Variants in HERC3 observed in about 807,000 individuals in gnomAD.
The protein encoded by HERC3 is HECT and RLD domain containing E3 ubiquitin protein ligase 3.
In HERC3, 58 loss-of-function variants were observed where a neutral mutation model predicts 129.9. The ratio of observed to expected loss-of-function variants is 0.45; its 90% CI spans 0.36 to 0.56. The LOEUF (loss-of-function observed/expected upper bound fraction) is 0.56, where lower values mean the gene tolerates loss of function less well. HERC3 is among the 20% of genes least tolerant of loss of function. The pLI, the probability that HERC3 is intolerant of heterozygous loss-of-function variation, is 0.00. For synonymous variants in HERC3, 430 were observed against 451.0 expected, an observed-to-expected ratio of 0.95 and a Z score of 0.59; for missense variants, 835 against 1,244.2, an observed-to-expected ratio of 0.67 and a Z score of 4.95.
chr4:88,660,412 C>T (rs1382235917), intron 10 of HERC3, among the ~76,000 whole-genome samples: 3 of 152,086 alleles, frequency 2.0e-5, no homozygotes, highest in African/African-American at 7.2e-5. Context: ...CCATGTTGGC[C>T]AGGCTGGTTT....
chr4:88,646,474 T>C (rs1728702808), intron 3 of HERC3, among the ~76,000 whole-genome samples: 1 of 152,220 alleles, frequency 6.6e-6, no homozygotes, highest in Non-Finnish European at 1.5e-5. Context: ...CTTTAAAGTG[T>C]TGCTGTGGAA....
intron 3 of HERC3, among the ~76,000 whole-genome samples, chr4:88,615,044 T>C (rs1228762421): frequency 6.6e-6 from 1 of 152,170 alleles, no homozygotes; most frequent in East Asian, 1.9e-4. Flanking sequence ...AAGGTTCACA[T>C]TTATCTTAAG....
intron 10 of HERC3, among the ~76,000 whole-genome samples, chr4:88,661,251 C>T (rs1362164988): frequency 1.3e-5 from 2 of 152,150 alleles, no homozygotes; most frequent in African/African-American, 2.4e-5. Flanking sequence ...TTATGAGTTT[C>T]CTGTATGTTG....
intron 23 of HERC3, chr4:88,692,885 C>G (rs1178749964): frequency 1.0e-6 from 1 of 985,234 alleles, no homozygotes; most frequent in African/African-American, 1.7e-5. Flanking sequence ...GAGTTCCCAT[C>G]CTCCTTTCGC....
chr4:88,579,388 T>A, the HERC3 span, among the ~76,000 whole-genome samples: 8 of 151,768 alleles, frequency 5.3e-5, no homozygotes, highest in Admixed American at 2.6e-4. Flanking sequence ...GCCTGGGCGA[T>A]AGAGTGAGAT....
At chr4:88,684,469 A>G (rs572013277) in intron 21 of HERC3, among the ~76,000 whole-genome samples, 1 of 152,226 alleles carries the variant, frequency 6.6e-6, no homozygotes, top group Non-Finnish European at 1.5e-5. Context: ...AATTAACTCA[A>G]GATGGATTAA....
chr4:88,625,620 A>G (rs1245548341), intron 3 of HERC3, among the ~76,000 whole-genome samples: 4 of 152,086 alleles, frequency 2.6e-5, no homozygotes, highest in East Asian at 1.9e-4. Flanking sequence ...CTGTGTGCCT[A>G]TTATTTCATT....
chr4:88,697,256 C>G (rs1354068897), intron 23 of HERC3: 1 of 1,558,864 alleles, frequency 6.4e-7, no homozygotes, highest in South Asian at 1.2e-5. Flanking sequence ...TCATGTTTGG[C>G]CCCCGCGGCA....
At chr4:88,645,926 A>C (rs1728644017) in intron 3 of HERC3, among the ~76,000 whole-genome samples, 2 of 152,202 alleles carry the variant, frequency 1.3e-5, no homozygotes. Context: ...TCTCGTGTGA[A>C]CAGACGATGA....
intron 9 of HERC3, chr4:88,657,510 A>G (rs1382564586): frequency 2.0e-5 from 3 of 152,228 alleles, no homozygotes. Flanking sequence ...GAATACATTT[A>G]TTTAGAAAGT....
intron 11 of HERC3, 83 bp from the exon 12 acceptor site, chr4:88,664,070 A>T: frequency 8.7e-7 from 1 of 1,145,548 alleles, no homozygotes; most frequent in Non-Finnish European, 1.2e-6. Context: ...CCTTGAGTAG[A>T]TGGTTACTTT....
rs572531198 is a variant in HERC3 at position 88,692,835 on chromosome 4, A to G, written c.2657+5536A>G. 3.3e-5 allele frequency: 31 copies of G among 932,734 alleles called. No individual in the cohort carries two copies. In the South Asian group the frequency reaches 1.4e-3, roughly 42 times the overall value. The allele number at this position is 932,734 out of a possible 1,614,324, so 57.8% of individuals were successfully genotyped here. A position where few individuals can be genotyped will look rare whatever the true frequency, so the allele number is the denominator to read the frequency against. Reference sequence around the variant, plus strand: ...TTGAGTTAGACTGCGCTCCATGGGTACCAGCATATGGCCTCTCAGGGGCTA... The same window carrying G: ...TTGAGTTAGACTGCGCTCCATGGGTGCCAGCATATGGCCTCTCAGGGGCTA... On this transcript the variant is annotated intron_variant, in intron 23 of 25. Coordinates refer to ENST00000402738, the MANE Select transcript of HERC3 (RefSeq NM_014606.3).
At chr4:88,673,112 G>T (rs1441918178) in intron 16 of HERC3, among the ~76,000 whole-genome samples, 1 of 152,202 alleles carries the variant, frequency 6.6e-6, no homozygotes, top group Admixed American at 6.5e-5. Context: ...TGAGTGGTGG[G>T]CTCCTCTAGA....
Position 88,707,053 on chromosome 4 carries a change from A to G in HERC3, c.*93A>G, listed in dbSNP as rs939059086. 2 of 1,005,486 alleles carry G rather than the reference A, an allele frequency of 2.0e-6. No individual in the cohort carries two copies. Among genetic ancestry groups the G allele is most frequent in the Non-Finnish European group, 3.0e-6 (2 of 661,242 alleles). 62.3% of individuals were successfully genotyped at this position (1,005,486 alleles called of 1,614,324 possible). A position where few individuals can be genotyped will look rare whatever the true frequency, so the allele number is the denominator to read the frequency against. On this transcript the variant is annotated 3_prime_UTR_variant, in exon 26 of 26. Coordinates refer to ENST00000402738, the MANE Select transcript of HERC3 (RefSeq NM_014606.3). ...CATGGGGAGTGATTTCTATTTTTTT[A>G]TTGTCTAAGTGGGTTGGGACTTTTA...
chr4:88,524,045 C>T, the HERC3 span: 1 of 338,170 alleles, frequency 3.0e-6, no homozygotes, highest in Non-Finnish European at 5.4e-6. Context: ...GGCCAGGCCT[C>T]AGAGTTGTAG....
chr4:88,557,959 T>C, the HERC3 span, among the ~76,000 whole-genome samples: 37 of 149,326 alleles, frequency 2.5e-4, no homozygotes, highest in African/African-American at 8.9e-4. Context: ...TAATCCCAGC[T>C]ACTCAGGAGG....
At chr4:88,569,922 G>A in the HERC3 span, among the ~76,000 whole-genome samples, 2 of 152,200 alleles carry the variant, frequency 1.3e-5, no homozygotes, top group Non-Finnish European at 2.9e-5. Context: ...ATCGGTTGTC[G>A]TGGTGCTGCC....
chr4:88,548,502 T>C, the HERC3 span, among the ~76,000 whole-genome samples: 2 of 152,190 alleles, frequency 1.3e-5, no homozygotes, highest in Non-Finnish European at 2.9e-5. Context: ...TTATCCTCTT[T>C]GGAGAAATGT....
chr4:88,612,650 C>T (rs547436258), intron 3 of HERC3, among the ~76,000 whole-genome samples: 23 of 152,224 alleles, frequency 1.5e-4, no homozygotes, highest in Non-Finnish European at 2.5e-4. Flanking sequence ...CATCCCTCCC[C>T]GACAAAGCAG....
Sources: allele counts gnomAD v4.1 joint callset (sites outside exome capture counted in the v4.1 genomes callset), GRCh38; gene constraint gnomAD v4.1.1; transcripts MANE v1.5; gene names NCBI Gene and HGNC (gene_info 2026-07-23, HGNC 2026-07-21).